Variants in CGNL1 observed in about 807,000 individuals in gnomAD.
CGNL1 encodes cingulin-like protein 1.
In CGNL1, 132 loss-of-function variants were observed where a neutral mutation model predicts 141.2. That is an observed-to-expected ratio of 0.93 (90% CI 0.81 to 1.08). CGNL1 has a LOEUF of 1.08. CGNL1 is among the 50% of genes least tolerant of loss of function. The pLI is 0.00. For missense variants in CGNL1, 1,870 were observed against 1,588.6 expected (o/e 1.18, Z -3.01); for synonymous variants, 690 against 622.1 (o/e 1.11, Z -1.63).
intron 8 of CGNL1, among the ~76,000 whole-genome samples, chr15:57,485,796 C>T (rs538710471): frequency 1.3e-5 from 2 of 152,308 alleles, no homozygotes; most frequent in South Asian, 4.1e-4. Context: ...TTTGGAGGAT[C>T]TTTTCAGATA....
At chr15:57,490,577 A>G (rs373334357) in intron 8 of CGNL1, among the ~76,000 whole-genome samples, 7 of 152,312 alleles carry the variant, frequency 4.6e-5, no homozygotes, top group East Asian at 1.9e-4. Flanking sequence ...TAACAAGTAA[A>G]TGAATACATA....
chr15:57,391,983 C>CCA (rs1293853200), intron 1 of CGNL1, among the ~76,000 whole-genome samples: 9 of 148,424 alleles, frequency 6.1e-5, no homozygotes, highest in African/African-American at 2.2e-4. Flanking sequence ...TCCCCCCCCT[C>CCA]ACCTGACACC....
intron 8 of CGNL1, among the ~76,000 whole-genome samples, chr15:57,506,153 G>A (rs188570071): frequency 2.6e-5 from 4 of 152,328 alleles, no homozygotes; most frequent in Admixed American, 1.3e-4. Flanking sequence ...CTGTGACAGC[G>A]ACTCTAACTG....
At chr15:57,413,503 C>A (rs2062816208) in intron 1 of CGNL1, among the ~76,000 whole-genome samples, 1 of 152,030 alleles carries the variant, frequency 6.6e-6, no homozygotes, top group South Asian at 2.1e-4. Flanking sequence ...CCAGGCTAGT[C>A]TGGAACTTCT....
At chr15:57,391,982 T>TC (rs775555911) in intron 1 of CGNL1, among the ~76,000 whole-genome samples, 2 of 147,068 alleles carry the variant, frequency 1.4e-5, no homozygotes, top group East Asian at 2.0e-4. Context: ...TTCCCCCCCC[T>TC]CACCTGACAC....
rs577823799 is a variant in CGNL1 at position 57,428,746 on chromosome 15, C to T, written c.-15-9239C>T. On this transcript the variant is annotated intron_variant, in intron 1 of 18. Transcript: ENST00000281282. The stretch of plus-strand genomic sequence containing the variant: ...AAGGTCATAAAAACAGACTGTGGGC[C>T]GGGCGTAGTGGCTCATGCCTGTATT... Among the ~76,000 whole-genome samples the T allele has an allele frequency of 3.9e-5, 6 of 152,262 alleles. No homozygotes were observed. The East Asian group carries it at 7.7e-4, about 20-fold the overall frequency.
intron 1 of CGNL1, among the ~76,000 whole-genome samples, chr15:57,389,778 T>C (rs1319750395): frequency 3.3e-5 from 5 of 152,248 alleles, no homozygotes; most frequent in Admixed American, 2.6e-4. Flanking sequence ...TGCTGCTTAA[T>C]ATTGCCGTGT....
intron 8 of CGNL1, among the ~76,000 whole-genome samples, chr15:57,508,178 C>T (rs1325257139): frequency 6.8e-6 from 1 of 147,128 alleles, no homozygotes; most frequent in Non-Finnish European, 1.5e-5. Flanking sequence ...TTTATTTGTG[C>T]CCCTCCACCC....
chr15:57,539,656 A>C (rs1206063065), intron 14 of CGNL1, among the ~76,000 whole-genome samples: 2 of 152,166 alleles, frequency 1.3e-5, no homozygotes, highest in African/African-American at 4.8e-5. Flanking sequence ...TCCAGAAGCA[A>C]ACTTGGTTCT....
chr15:57,515,285 T>G (rs2030676863), intron 8 of CGNL1, among the ~76,000 whole-genome samples: 1 of 152,250 alleles, frequency 6.6e-6, no homozygotes, highest in African/African-American at 2.4e-5. Flanking sequence ...CCGATGGGCT[T>G]TCTCTGTTGT....
At chr15:57,458,811 T>A (rs975180821) in intron 7 of CGNL1, among the ~76,000 whole-genome samples, 3 of 152,176 alleles carry the variant, frequency 2.0e-5, no homozygotes, top group African/African-American at 7.2e-5. Flanking sequence ...TTTCATAAGA[T>A]CTCTGTGTTT....
chr15:57,390,435 C>T (rs1664454), intron 1 of CGNL1, among the ~76,000 whole-genome samples: 67,918 of 152,124 alleles, frequency 0.45, 15,428 homozygotes, highest in Middle Eastern at 0.54. Context: ...ACACAAATTG[C>T]ATTGTCAAGC....
At chr15:57,450,079 G>A (rs995987348) in intron 4 of CGNL1, among the ~76,000 whole-genome samples, 3 of 152,176 alleles carry the variant, frequency 2.0e-5, no homozygotes, top group African/African-American at 7.2e-5. Flanking sequence ...CACCCAGAGG[G>A]CAGCTTCTGG....
chr15:57,519,317 C>T (rs2031078256), intron 10 of CGNL1, among the ~76,000 whole-genome samples: 1 of 152,078 alleles, frequency 6.6e-6, no homozygotes, highest in African/African-American at 2.4e-5. Context: ...CATTCCGGAC[C>T]CACTTGTAGT....
chr15:57,533,854 A>G (rs1166392591), intron 14 of CGNL1, among the ~76,000 whole-genome samples: 1 of 152,098 alleles, frequency 6.6e-6, no homozygotes, highest in Non-Finnish European at 1.5e-5. Flanking sequence ...TTTAGGGGGG[A>G]AGTTAAGGGA....
chr15:57,519,348 G>T (rs892236984), intron 10 of CGNL1, among the ~76,000 whole-genome samples: 1 of 152,172 alleles, frequency 6.6e-6, no homozygotes, highest in Non-Finnish European at 1.5e-5. Context: ...TGAAGTGGGG[G>T]CATTAAAAGT....
intron 15 of CGNL1, 114 bp from the exon 16 acceptor site, chr15:57,544,359 A>G (rs2140247302): frequency 1.5e-6 from 2 of 1,322,980 alleles, no homozygotes; most frequent in East Asian, 2.4e-5. Context: ...TGGTGTGGAA[A>G]GCAGCCTCAT....
chr15:57,522,043 C>T (rs963544009), intron 10 of CGNL1, among the ~76,000 whole-genome samples: 1 of 152,214 alleles, frequency 6.6e-6, no homozygotes, highest in Non-Finnish European at 1.5e-5. Context: ...CATCGATCAA[C>T]AGAAACCCCA....
intron 7 of CGNL1, among the ~76,000 whole-genome samples, chr15:57,454,239 C>T (rs1021539307): frequency 2.6e-5 from 4 of 152,148 alleles, no homozygotes; most frequent in African/African-American, 9.7e-5. Context: ...GTTTTGGAAC[C>T]TACTTCTTTA....
Sources: gnomAD v4.1 joint callset for allele counts (sites outside exome capture counted in the v4.1 genomes callset) on GRCh38, gnomAD v4.1.1 for gene constraint, MANE v1.5 for transcripts, NCBI Gene and HGNC (gene_info 2026-07-23, HGNC 2026-07-21) for gene names.